ITGA6: variants seen among roughly 807,000 people sequenced by gnomAD.
ITGA6 encodes integrin subunit alpha 6.
ITGA6 carries 63 observed loss-of-function variants against 133.6 expected under a neutral mutation model. The observed-to-expected ratio is 0.47, with a 90% CI of 0.38 to 0.58. ITGA6 has a LOEUF of 0.58. Among genes scored for constraint, ITGA6 ranks in the 20% least tolerant of loss-of-function variants. The pLI is 0.00. For synonymous variants in ITGA6, 434 were observed against 482.0 expected, an observed-to-expected ratio of 0.90 and a Z score of 1.30; for missense variants, 1,068 against 1,309.4, an observed-to-expected ratio of 0.82 and a Z score of 2.85.
chr2:172,464,014 G>A (rs1004397842), intron 1 of ITGA6, among the ~76,000 whole-genome samples: 1 of 152,206 alleles, frequency 6.6e-6, no homozygotes, highest in African/African-American at 2.4e-5. Context: ...AAAAGTCTGT[G>A]TGTCAGTTCT....
At chr2:172,478,882 T>C (rs1243209848) in intron 9 of ITGA6, among the ~76,000 whole-genome samples, 1 of 152,136 alleles carries the variant, frequency 6.6e-6, no homozygotes, top group East Asian at 1.9e-4. Context: ...ATTGCCTGTA[T>C]TAATTCACAT....
chr2:172,433,114 A>AG (rs1182445917), intron 1 of ITGA6, among the ~76,000 whole-genome samples: 1 of 152,184 alleles, frequency 6.6e-6, no homozygotes, highest in Non-Finnish European at 1.5e-5. Context: ...GTACTGCAGC[A>AG]GTGGGAAGTG....
chr2:172,494,261 C>T (rs1687038040), intron 23 of ITGA6, among the ~76,000 whole-genome samples: 1 of 152,132 alleles, frequency 6.6e-6, no homozygotes, highest in Non-Finnish European at 1.5e-5. Context: ...CACAGTTAAA[C>T]TTTGGGAGGC....
chr2:172,496,582 C>G (rs978105223), intron 23 of ITGA6, among the ~76,000 whole-genome samples: 10 of 152,082 alleles, frequency 6.6e-5, no homozygotes, highest in Non-Finnish European at 1.5e-4. Context: ...ATCCAGGGTT[C>G]AATATGGACA....
Position 172,479,510 on chromosome 2 carries a change from AC to A in ITGA6, c.1389-130del, listed in dbSNP as rs375622625. On this transcript the variant is annotated intron_variant, in intron 9 of 25. Transcript: ENST00000684293. ...TTATTTTCTTCAGCAATGGGGGAAA[AC>A]GTCACGTGTATTTTTTTTCCTGTGT... 27 of 779,600 alleles carry A rather than the reference AC, an allele frequency of 3.5e-5. 2 individuals carry two copies. The African/African-American group carries it at 3.9e-4, about 11-fold the overall frequency. The allele number at this position is 779,600 out of a possible 1,614,324, so 48.3% of individuals were successfully genotyped here. A position where few individuals can be genotyped will look rare whatever the true frequency, so the allele number is the denominator to read the frequency against.
chr2:172,462,173 C>T (rs754095238), intron 1 of ITGA6, among the ~76,000 whole-genome samples: 3 of 152,210 alleles, frequency 2.0e-5, no homozygotes, highest in East Asian at 1.9e-4. Context: ...GTTCTGCCAC[C>T]TTATCGCGGT....
At chr2:172,469,833 A>G (rs1021629585) in intron 4 of ITGA6, among the ~76,000 whole-genome samples, 2 of 152,214 alleles carry the variant, frequency 1.3e-5, no homozygotes, top group African/African-American at 4.8e-5. Flanking sequence ...TTCAAAGGCC[A>G]TGCTTTGCTA....
At position 172,485,077 on chromosome 2, in the gene ITGA6, G is replaced by A. The variant is rs200866031; in HGVS notation, c.1711-44G>A. 4.4e-6 allele frequency: 7 copies of A among 1,609,044 alleles called. No homozygotes were observed. In the East Asian group the frequency reaches 1.3e-4, roughly 31 times the overall value. On this transcript the variant is annotated intron_variant, in intron 12 of 25. Transcript: ENST00000684293. Reference sequence around the variant, plus strand: ...ATCATTGTTTTGGAATTCCCCAATAGCATGTACACCCCACTTAACTCTGAC... The same window carrying A: ...ATCATTGTTTTGGAATTCCCCAATAACATGTACACCCCACTTAACTCTGAC...
chr2:172,479,787 C>A, intron 10 of ITGA6, 48 bp downstream of exon 10: 3 of 1,497,888 alleles, frequency 2.0e-6, no homozygotes, highest in Non-Finnish European at 2.8e-6. Context: ...TTCCCACCTC[C>A]ACTTCATGAT....
At chr2:172,442,322 C>A (rs1040129685) in intron 1 of ITGA6, among the ~76,000 whole-genome samples, 8 of 152,212 alleles carry the variant, frequency 5.3e-5, no homozygotes, top group Non-Finnish European at 2.9e-5. Flanking sequence ...GCATCCAGGA[C>A]TAAAGCATTT....
At chr2:172,476,662 C>G (rs1161937869) in intron 9 of ITGA6, 149 bp downstream of exon 9, 2 of 650,902 alleles carry the variant, frequency 3.1e-6, no homozygotes, top group African/African-American at 3.7e-5. Context: ...AGTTAGTAAA[C>G]AATGTAATAA....
At chr2:172,450,953 C>A in intron 1 of ITGA6, among the ~76,000 whole-genome samples, 1 of 142,416 alleles carries the variant, frequency 7.0e-6, no homozygotes, top group African/African-American at 2.6e-5. Flanking sequence ...ATATATTTAT[C>A]TTGTATATAT....
intron 1 of ITGA6, among the ~76,000 whole-genome samples, chr2:172,454,091 G>GTTTTGTTTTGT (rs1685115714): frequency 7.0e-6 from 1 of 143,054 alleles, no homozygotes; most frequent in South Asian, 2.2e-4. Flanking sequence ...GTTTTGTTTT[G>GTTTTGTTTTGT]TTTTTTTTTT....
chr2:172,469,021 C>T, intron 3 of ITGA6, 104 bp from the exon 4 acceptor site: 1 of 1,240,168 alleles, frequency 8.1e-7, no homozygotes, highest in Admixed American at 1.7e-5. Context: ...GCTTAATCAT[C>T]CTCTTTAGAA....
At chr2:172,464,630 T>A (rs1329347772) in intron 1 of ITGA6, 5 of 152,282 alleles carry the variant, frequency 3.3e-5, no homozygotes, top group Admixed American at 3.3e-4. Context: ...TCATTGGATC[T>A]CTAAAGAGCC....
At chr2:172,442,829 T>C (rs1204097456) in intron 1 of ITGA6, among the ~76,000 whole-genome samples, 1 of 152,152 alleles carries the variant, frequency 6.6e-6, no homozygotes, top group Non-Finnish European at 1.5e-5. Context: ...ATGTGTGAGC[T>C]TGTTTTATGC....
intron 1 of ITGA6, among the ~76,000 whole-genome samples, chr2:172,451,086 C>T (rs1232217545): frequency 3.3e-5 from 5 of 151,030 alleles, no homozygotes; most frequent in African/African-American, 4.9e-5. Flanking sequence ...ACCTGGGAGG[C>T]GGAGGGTGCC....
chr2:172,467,461 A>G lies in ITGA6; in HGVS notation c.308-20A>G. On this transcript the variant is annotated intron_variant, in intron 2 of 25. Transcript: ENST00000684293. The stretch of plus-strand genomic sequence containing the variant: ...AGCATGTGCAGTCACTTGGAAGGCT[A>G]ACTATGCTCCTTTCTACAGCTGACC... 1.2e-6 allele frequency: 2 copies of G among 1,602,710 alleles called. No homozygotes were observed. Among genetic ancestry groups the G allele is most frequent in the South Asian group, 2.2e-5 (2 of 90,874 alleles).
At chr2:172,471,740 C>T (rs946947332) in intron 5 of ITGA6, among the ~76,000 whole-genome samples, 1 of 152,098 alleles carries the variant, frequency 6.6e-6, no homozygotes, top group Non-Finnish European at 1.5e-5. Flanking sequence ...GTTTGCATGA[C>T]TAATGGGTGT....
Sources: allele counts gnomAD v4.1 joint callset (sites outside exome capture counted in the v4.1 genomes callset), GRCh38; gene constraint gnomAD v4.1.1; transcripts MANE v1.5; gene names NCBI Gene and HGNC (gene_info 2026-07-23, HGNC 2026-07-21).